The following SSH2 variants were observed in gnomAD, a reference collection of about 807,000 sequenced individuals.
The protein encoded by SSH2 is slingshot protein phosphatase 2.
A neutral mutation model predicts 135.2 loss-of-function variants in SSH2; 37 were observed. That is an observed-to-expected ratio of 0.27 (90% CI 0.21 to 0.36). The LOEUF (loss-of-function observed/expected upper bound fraction) is 0.36, where lower values mean the gene tolerates loss of function less well. SSH2 is among the 10% of genes least tolerant of loss of function. The pLI, the probability that SSH2 is intolerant of heterozygous loss-of-function variation, is 1.00. For synonymous variants in SSH2, 628 were observed against 646.2 expected (o/e 0.97, Z 0.43); for missense variants, 1,408 against 1,765.3 (o/e 0.80, Z 3.63).
At chr17:29,894,411 C>A (rs1040479023) in intron 1 of SSH2, among the ~76,000 whole-genome samples, 2 of 151,996 alleles carry the variant, frequency 1.3e-5, no homozygotes, top group Admixed American at 1.3e-4. Flanking sequence ...TCAAAATCCA[C>A]AGATGCCCAA....
chr17:29,859,746 A>G (rs555382573), intron 1 of SSH2, among the ~76,000 whole-genome samples: 28 of 152,226 alleles, frequency 1.8e-4, no homozygotes, highest in Non-Finnish European at 2.9e-4. Flanking sequence ...TAGGGCTGCA[A>G]TGAACATACA....
chr17:29,716,084 A>G (rs1469538219), intron 3 of SSH2, among the ~76,000 whole-genome samples: 2 of 152,066 alleles, frequency 1.3e-5, no homozygotes, highest in Non-Finnish European at 2.9e-5. Context: ...CCTTTCTCCA[A>G]TCTGAGAGAA....
At chr17:29,836,532 T>C (rs1170486173) in intron 2 of SSH2, among the ~76,000 whole-genome samples, 2 of 152,156 alleles carry the variant, frequency 1.3e-5, no homozygotes, top group Non-Finnish European at 2.9e-5. Context: ...AGAATATCTC[T>C]TCTAGAACAG....
chr17:29,696,075 ATAT>A (rs1328471128), intron 4 of SSH2, among the ~76,000 whole-genome samples: 3 of 151,706 alleles, frequency 2.0e-5, no homozygotes, highest in East Asian at 1.9e-4. Flanking sequence ...TTAGTGACTG[ATAT>A]TATTATTATT....
chr17:29,637,665 T>C (rs2035965901), intron 14 of SSH2, among the ~76,000 whole-genome samples: 1 of 151,540 alleles, frequency 6.6e-6, no homozygotes, highest in Non-Finnish European at 1.5e-5. Context: ...GACTGTAGTC[T>C]TAGCTACTCA....
chr17:29,747,186 T>C (rs1459627513), intron 3 of SSH2, among the ~76,000 whole-genome samples: 1 of 152,112 alleles, frequency 6.6e-6, no homozygotes, highest in Non-Finnish European at 1.5e-5. Context: ...CAAACAAACA[T>C]ATACAACAAT....
intron 15 of SSH2, among the ~76,000 whole-genome samples, chr17:29,634,560 TTATTA>T (rs869246425): frequency 2.0e-5 from 3 of 152,124 alleles, no homozygotes; most frequent in Admixed American, 1.3e-4. Context: ...ATTATTATTA[TTATTA>T]TTTTTTGAGA....
chr17:29,859,336 T>C (rs2065720149), intron 1 of SSH2, among the ~76,000 whole-genome samples: 1 of 152,118 alleles, frequency 6.6e-6, no homozygotes. Context: ...TATATGCAGG[T>C]TTGTTATATG....
chr17:29,745,321 G>A (rs1480336753), intron 3 of SSH2, among the ~76,000 whole-genome samples: 9 of 151,972 alleles, frequency 5.9e-5, no homozygotes, highest in African/African-American at 9.7e-5. Context: ...CACCACACCC[G>A]GCTAATTTTT....
intron 11 of SSH2, among the ~76,000 whole-genome samples, chr17:29,665,573 C>T (rs549057346): frequency 2.0e-5 from 3 of 152,302 alleles, no homozygotes; most frequent in East Asian, 1.9e-4. Context: ...AGTTCATAAA[C>T]GTCCTCAAGA....
At chr17:29,807,832 C>CTT (rs58284055) in intron 2 of SSH2, among the ~76,000 whole-genome samples, 3,701 of 94,290 alleles carry the variant, frequency 0.039, 254 homozygotes, top group African/African-American at 0.098. Context: ...GTTTTGATGG[C>CTT]TTTTTTTTTT....
At chr17:29,870,884 T>C (rs1420091907) in intron 1 of SSH2, among the ~76,000 whole-genome samples, 2 of 152,206 alleles carry the variant, frequency 1.3e-5, no homozygotes, top group South Asian at 4.1e-4. Context: ...TTCTTTTAGA[T>C]GGATATGATA....
intron 3 of SSH2, among the ~76,000 whole-genome samples, chr17:29,734,465 G>A (rs2040301863): frequency 6.6e-6 from 1 of 152,132 alleles, no homozygotes; most frequent in Non-Finnish European, 1.5e-5. Flanking sequence ...GGCCCTCAGT[G>A]CACAAACAGT....
chr17:29,746,404 C>T (rs1311863497), intron 3 of SSH2, among the ~76,000 whole-genome samples: 5 of 151,436 alleles, frequency 3.3e-5, no homozygotes, highest in East Asian at 1.9e-4. Context: ...AAAAATTAGC[C>T]GGGTGTGGTG....
intron 1 of SSH2, among the ~76,000 whole-genome samples, chr17:29,860,425 T>C (rs1222111465): frequency 6.6e-6 from 1 of 150,390 alleles, no homozygotes; most frequent in Non-Finnish European, 1.5e-5. Context: ...CGTCTCTTCA[T>C]GGCCTTTGCC....
chr17:29,650,448 T>G (rs2036541606), intron 13 of SSH2, among the ~76,000 whole-genome samples: 1 of 152,220 alleles, frequency 6.6e-6, no homozygotes, highest in African/African-American at 2.4e-5. Context: ...ATAGCCAACA[T>G]GAGGTTACTT....
At chr17:29,852,171 A>G (rs953416433) in intron 1 of SSH2, among the ~76,000 whole-genome samples, 2 of 151,666 alleles carry the variant, frequency 1.3e-5, no homozygotes, top group Admixed American at 1.3e-4. Context: ...AATCCCAGCT[A>G]CTGGGGAGGC....
At chr17:29,640,102 G>A (rs1228040919) in intron 14 of SSH2, among the ~76,000 whole-genome samples, 14 of 147,522 alleles carry the variant, frequency 9.5e-5, no homozygotes, top group Non-Finnish European at 1.6e-4. Flanking sequence ...TTTTTGAGAC[G>A]GAGTCTCGCT....
chr17:29,872,641 G>C (rs1487286109), intron 1 of SSH2, among the ~76,000 whole-genome samples: 2 of 152,092 alleles, frequency 1.3e-5, no homozygotes, highest in African/African-American at 4.8e-5. Flanking sequence ...TAGCGGTCTC[G>C]TAACAAGGTG....
Sources: gnomAD v4.1 joint callset for allele counts (sites outside exome capture counted in the v4.1 genomes callset) on GRCh38, gnomAD v4.1.1 for gene constraint, MANE v1.5 for transcripts, NCBI Gene and HGNC (gene_info 2026-07-23, HGNC 2026-07-21) for gene names.